HAUS6: variants seen among roughly 807,000 people sequenced by gnomAD.
HAUS6 encodes the protein HAUS augmin-like complex subunit 6.
In HAUS6, 80 loss-of-function variants were observed where a neutral mutation model predicts 106.8. That is an observed-to-expected ratio of 0.75 (90% confidence interval 0.63 to 0.90). The LOEUF is 0.90. Ranked by LOEUF, HAUS6 falls within the 40% of genes least tolerant of loss-of-function variation. The probability of loss-of-function intolerance (pLI) is 0.00; values close to 1 mark genes in which losing one functional copy is unlikely to be tolerated. For synonymous variants in HAUS6, 356 were observed against 379.1 expected, an observed-to-expected ratio of 0.94 and a Z score of 0.71; for missense variants, 1,155 against 1,118.1, an observed-to-expected ratio of 1.03 and a Z score of -0.47.
Position 19,063,013 on chromosome 9 carries a change from C to T in HAUS6, c.1624G>A (p.Glu542Lys), listed in dbSNP as rs1198800722. The change falls in exon 14 of 17, where the codon GAA becomes AAA. Residue 542 changes from glutamate (E) to lysine (K), a missense_variant. Transcript: ENST00000380502. ...TCATTACAGTCTTTTCTCACCTCTT[C>T]TACCAGATGATCTTGCTCTTTTTGA... is the stretch of plus-strand genomic sequence containing the variant. Reference protein sequence around the residue: ...PFQKEQDHLVEEVARAVLSDS... With the variant: ...PFQKEQDHLVKEVARAVLSDS... 1.2e-6 allele frequency: 2 copies of T among 1,607,880 alleles called. No individual in the cohort carries two copies. The highest frequency in any genetic ancestry group is 1.7e-6 in the Non-Finnish European group (2 of 1,176,418).
chr9:19,099,807 T>C lies in HAUS6; in HGVS notation c.128+2717A>G, dbSNP rs190139758. Among the ~76,000 whole-genome samples the C allele has an allele frequency of 3.0e-3, 461 of 152,284 alleles. 3 individuals carry two copies. The highest frequency in any genetic ancestry group is 0.011 in the African/African-American group (442 of 41,554). Reference sequence around the variant, plus strand: ...GCTCATGTCTGTAATCCCAGCACTTTGGGAGGCTGACGCGGGAGGATCACT... The same window carrying C: ...GCTCATGTCTGTAATCCCAGCACTTCGGGAGGCTGACGCGGGAGGATCACT... On this transcript the variant is annotated intron_variant, in intron 1 of 16. Transcript: ENST00000380502.
chr9:19,083,374 C>G (rs1175912017), intron 7 of HAUS6, among the ~76,000 whole-genome samples: 2 of 152,110 alleles, frequency 1.3e-5, no homozygotes, highest in African/African-American at 4.8e-5. Flanking sequence ...TCCCAAGTAG[C>G]TGGGACTACA....
intron 5 of HAUS6, among the ~76,000 whole-genome samples, chr9:19,088,444 T>G (rs897715540): frequency 6.6e-6 from 1 of 151,308 alleles, no homozygotes; most frequent in Non-Finnish European, 1.5e-5. Flanking sequence ...TAATACACTA[T>G]GGCAATATGC....
At chr9:19,063,479 G>T in intron 13 of HAUS6, 35 bp downstream of exon 13, 1 of 1,040,394 alleles carries the variant, frequency 9.6e-7, no homozygotes, top group Non-Finnish European at 1.5e-6. Context: ...ATTTAGTATG[G>T]TCCAGAATTA....
chr9:19,094,441 C>CA (rs112198354), intron 2 of HAUS6, 46 bp from the exon 3 acceptor site: 4,610 of 830,568 alleles, frequency 5.6e-3, no homozygotes, highest in South Asian at 7.1e-3. Flanking sequence ...CAACAATAGC[C>CA]AAAAAAAAAA....
intron 7 of HAUS6, among the ~76,000 whole-genome samples, chr9:19,085,924 T>A (rs1837282662): frequency 1.3e-5 from 2 of 152,076 alleles, no homozygotes; most frequent in South Asian, 4.1e-4. Flanking sequence ...TAAGTTCATT[T>A]TTCCATTATA....
chr9:19,084,588 AAATAC>A (rs1223863256), intron 7 of HAUS6, among the ~76,000 whole-genome samples: 1 of 152,076 alleles, frequency 6.6e-6, no homozygotes, highest in African/African-American at 2.4e-5. Flanking sequence ...TGCACGATAA[AAATAC>A]AATATTAAAT....
At chr9:19,098,891 G>A (rs900724618) in intron 1 of HAUS6, among the ~76,000 whole-genome samples, 4 of 151,690 alleles carry the variant, frequency 2.6e-5, no homozygotes, top group African/African-American at 9.7e-5. Context: ...GCATGGTGGC[G>A]CATGCCTAAA....
rs759378550 is a variant in HAUS6 at position 19,089,579 on chromosome 9, G to C, written c.437-20C>G. On this transcript the variant is annotated intron_variant, in intron 4 of 16. Transcript: ENST00000380502. ...AAGAATCTACACAGAACACAAATAA[G>C]ATTATAGAAAACAGGCTGGTCTGAT... The C allele has an allele frequency of 5.0e-6, 8 of 1,590,464 alleles. No individual in the cohort carries two copies. The highest frequency in any genetic ancestry group is 1.7e-5 in the Admixed American group (1 of 57,764).
intron 5 of HAUS6, among the ~76,000 whole-genome samples, chr9:19,087,488 G>A (rs911843345): frequency 6.6e-6 from 1 of 152,104 alleles, no homozygotes; most frequent in African/African-American, 2.4e-5. Context: ...TAATTTCAAA[G>A]GATTCTATAG....
chr9:19,071,966 G>C (rs988786775), intron 11 of HAUS6, among the ~76,000 whole-genome samples: 61 of 152,176 alleles, frequency 4.0e-4, no homozygotes, highest in African/African-American at 1.4e-3. Flanking sequence ...CACTTTGGGA[G>C]GCCAAGGTGG....
chr9:19,093,379 T>C (rs1218518919), intron 3 of HAUS6, 76 bp from the exon 4 acceptor site: 1 of 1,289,154 alleles, frequency 7.8e-7, no homozygotes, highest in Non-Finnish European at 1.1e-6. Flanking sequence ...ACTATTTTTG[T>C]TAAAGGGTGT....
chr9:19,101,442 G>A (rs1044296109), intron 1 of HAUS6, among the ~76,000 whole-genome samples: 1 of 152,106 alleles, frequency 6.6e-6, no homozygotes, highest in African/African-American at 2.4e-5. Context: ...AGTGAGCTGT[G>A]ATCGCACAAC....
At chr9:19,076,130 C>T (rs780563953) in intron 11 of HAUS6, among the ~76,000 whole-genome samples, 2 of 151,130 alleles carry the variant, frequency 1.3e-5, no homozygotes, top group African/African-American at 2.4e-5. Context: ...GAGGCTGAGA[C>T]GGGTCAATCA....
intron 1 of HAUS6, 143 bp downstream of exon 1, chr9:19,102,381 G>A (rs1818008562): frequency 1.1e-6 from 1 of 898,310 alleles, no homozygotes; most frequent in Non-Finnish European, 1.7e-6. Context: ...GCAACTGGGA[G>A]TAGGAACTTT....
At chr9:19,070,379 A>G in intron 11 of HAUS6, 79 bp from the exon 12 acceptor site, 1 of 816,258 alleles carries the variant, frequency 1.2e-6, no homozygotes, top group Non-Finnish European at 2.0e-6. Context: ...AAATTCGAGA[A>G]CAACTTGTAA....
At chr9:19,086,848 G>C in intron 6 of HAUS6, 66 bp from the exon 7 acceptor site, 1 of 726,870 alleles carries the variant, frequency 1.4e-6, no homozygotes, top group South Asian at 1.7e-5. Flanking sequence ...TATCCAAAGA[G>C]CTAATTAGTC....
intron 7 of HAUS6, among the ~76,000 whole-genome samples, chr9:19,084,932 T>C (rs922659030): frequency 6.6e-6 from 1 of 152,000 alleles, no homozygotes; most frequent in Non-Finnish European, 1.5e-5. Flanking sequence ...CCCGCCTCTT[T>C]TTTTTTTCTT....
In HAUS6 at chr9:19,100,607, T is replaced by C. The variant is rs150489076; in HGVS notation, c.128+1917A>G. 1.3e-3 allele frequency among the ~76,000 whole-genome samples: 201 copies of C among 152,294 alleles called. 2 individuals carry two copies. The South Asian group carries it at 0.016, about 12-fold the overall frequency. On this transcript the variant is annotated intron_variant, in intron 1 of 16. Transcript: ENST00000380502. ...ATATCCAAAAGGAAGGAGATCAGTA[T>C]ATGAAAGAGGCATCTGCACTCCCAT...
Sources: allele counts gnomAD v4.1 joint callset (sites outside exome capture counted in the v4.1 genomes callset), GRCh38; gene constraint gnomAD v4.1.1; transcripts MANE v1.5; gene names NCBI Gene and HGNC (gene_info 2026-07-23, HGNC 2026-07-21).